The following PRMT8 variants were observed in gnomAD, a reference collection of about 807,000 sequenced individuals.
PRMT8 encodes the protein protein arginine methyltransferase 8.
In PRMT8, 7 loss-of-function variants were observed where a neutral mutation model predicts 47.1. The ratio of observed to expected loss-of-function variants is 0.15; its 90% CI spans 0.08 to 0.28. The LOEUF (loss-of-function observed/expected upper bound fraction) is 0.28. Among genes scored for constraint, PRMT8 ranks in the 10% least tolerant of loss-of-function variants. PRMT8 has a pLI of 1.00. For synonymous variants in PRMT8, 188 were observed against 186.5 expected (o/e 1.01, Z -0.07); for missense variants, 237 against 505.4 (o/e 0.47, Z 5.09).
chr12:3,514,225 T>C lies in PRMT8; in HGVS notation c.75+22525T>C, dbSNP rs973287475. Among the ~76,000 whole-genome samples the C allele has an allele frequency of 4.6e-5, 7 of 151,848 alleles. No homozygotes were observed. The highest frequency in any genetic ancestry group is 2.1e-4 in the South Asian group (1 of 4,814). ...ATTCATCCTGCCTTTTTTTTTTTTT[T>C]CTGTTACCCCTAAGGTGCTCTTTTG... On this transcript the variant is annotated intron_variant, in intron 1 of 9. Coordinates refer to ENST00000382622, the MANE Select transcript of PRMT8 (RefSeq NM_019854.5). This position sits in a 1 kb window ranked among gnomAD's most constrained non-coding sequence, Gnocchi z 5.9.
chr12:3,510,618 C>T (rs1865696795), intron 1 of PRMT8, among the ~76,000 whole-genome samples: 1 of 152,044 alleles, frequency 6.6e-6, no homozygotes, highest in Non-Finnish European at 1.5e-5. Flanking sequence ...GTAAAGAAAA[C>T]CAAACTAATG....
chr12:3,585,951 A>G (rs1867162954), intron 8 of PRMT8, among the ~76,000 whole-genome samples: 2 of 152,162 alleles, frequency 1.3e-5, no homozygotes, highest in African/African-American at 4.8e-5. Context: ...GGATGAAGTC[A>G]TAGGAGCTGG....
intron 1 of PRMT8, among the ~76,000 whole-genome samples, chr12:3,398,068 C>T (rs987990495): frequency 1.3e-5 from 2 of 152,126 alleles, no homozygotes; most frequent in African/African-American, 2.4e-5. Context: ...CTTCGGCTCG[C>T]GCACGGTGCG....
chr12:3,507,368 G>A (rs1221709681), intron 1 of PRMT8, among the ~76,000 whole-genome samples: 1 of 152,068 alleles, frequency 6.6e-6, no homozygotes, highest in Admixed American at 6.6e-5. Flanking sequence ...TGATCCGCCC[G>A]CCTCGGCCTC....
intron 1 of PRMT8, among the ~76,000 whole-genome samples, chr12:3,457,100 G>T (rs965437357): frequency 1.3e-5 from 2 of 152,148 alleles, no homozygotes; most frequent in Non-Finnish European, 2.9e-5. Context: ...TGCAGAGGAG[G>T]CATCTCCTAA....
At chr12:3,573,844 C>T (rs1159470344) in intron 6 of PRMT8, 1 of 152,092 alleles carries the variant, frequency 6.6e-6, no homozygotes, top group East Asian at 1.9e-4. Context: ...TGGCTCTTAC[C>T]CCACATACAC....
chr12:3,438,541 G>A (rs915293969), intron 1 of PRMT8, among the ~76,000 whole-genome samples: 17 of 152,328 alleles, frequency 1.1e-4, no homozygotes, highest in African/African-American at 4.1e-4. Context: ...AGTGGGGCGG[G>A]TAGTCCCAAT....
chr12:3,575,006 A>C (rs2137216093), intron 6 of PRMT8, among the ~76,000 whole-genome samples: 1 of 152,262 alleles, frequency 6.6e-6, no homozygotes, highest in African/African-American at 2.4e-5. Context: ...TCTTCTCTGA[A>C]ACCTGCCCTG....
At position 3,589,140 on chromosome 12, in the gene PRMT8, A is replaced by C. The variant is rs57767381; in HGVS notation, c.980-3091A>C. On this transcript the variant is annotated intron_variant, in intron 8 of 9. Transcript: ENST00000382622. ...AGTAAGTCCCTAACATGGGCCTAATATGTTTTAGGTAGGGTGGCCATGTAA... is the reference window on the plus strand; with the variant it reads ...AGTAAGTCCCTAACATGGGCCTAATCTGTTTTAGGTAGGGTGGCCATGTAA... Among the ~76,000 whole-genome samples the C allele has an allele frequency of 7.3e-3, 1,117 of 152,270 alleles. 11 individuals carry two copies. The highest frequency in any genetic ancestry group is 0.025 in the African/African-American group (1,041 of 41,538).
At chr12:3,419,865 A>T (rs1004899816) in intron 1 of PRMT8, among the ~76,000 whole-genome samples, 52 of 151,060 alleles carry the variant, frequency 3.4e-4, no homozygotes, top group African/African-American at 1.1e-3. Context: ...AGCCAGAAGG[A>T]TGCTCAGTTC....
At chr12:3,396,097 T>A (rs1864246172) in intron 1 of PRMT8, among the ~76,000 whole-genome samples, 1 of 152,194 alleles carries the variant, frequency 6.6e-6, no homozygotes, top group Non-Finnish European at 1.5e-5. Flanking sequence ...ATTTTGAGCC[T>A]ATGTGTGTCT....
chr12:3,557,636 T>C lies in PRMT8; in HGVS notation c.481+3922T>C, dbSNP rs1253566076. ...AAAGAAAACTGGTCGATTCTTTCTCTGGGAGGGTGACACAGCCTGGCCTCC... is the reference window on the plus strand; with the variant it reads ...AAAGAAAACTGGTCGATTCTTTCTCCGGGAGGGTGACACAGCCTGGCCTCC... On this transcript the variant is annotated intron_variant, in intron 4 of 9. Transcript: ENST00000382622. The surrounding 1 kb of genome is among the most constrained non-coding windows in gnomAD (Gnocchi z 4.7). 6.6e-6 allele frequency among the ~76,000 whole-genome samples: 1 copy of C among 152,162 alleles called. No individual in the cohort carries two copies. The highest frequency in any genetic ancestry group is 1.9e-4 in the East Asian group (1 of 5,188).
At chr12:3,480,985 T>C (rs1002187122) in intron 1 of PRMT8, among the ~76,000 whole-genome samples, 1 of 152,200 alleles carries the variant, frequency 6.6e-6, no homozygotes, top group Non-Finnish European at 1.5e-5. Flanking sequence ...GGTGGCGGTC[T>C]AGAGGAGGGG....
At chr12:3,547,831 T>A (rs2137173488) in intron 2 of PRMT8, among the ~76,000 whole-genome samples, 1 of 152,258 alleles carries the variant, frequency 6.6e-6, no homozygotes, top group Admixed American at 6.5e-5. Context: ...AAATGTCAGT[T>A]CTCCCCAAAT....
At chr12:3,445,770 T>G (rs1215264478) in intron 1 of PRMT8, among the ~76,000 whole-genome samples, 1 of 152,160 alleles carries the variant, frequency 6.6e-6, no homozygotes, top group South Asian at 2.1e-4. Context: ...CACATACACA[T>G]GCATGTGTCG....
At chr12:3,480,950 C>T (rs1464775916) in intron 1 of PRMT8, among the ~76,000 whole-genome samples, 1 of 152,210 alleles carries the variant, frequency 6.6e-6, no homozygotes, top group Non-Finnish European at 1.5e-5. Flanking sequence ...GGCTGTTCCT[C>T]TGAGAGCTGA....
In PRMT8 at chr12:3,456,588, A is replaced by G. The variant is rs1864975661; in HGVS notation, c.48+75146A>G. On this transcript the variant is annotated intron_variant, in intron 1 of 9. Coordinates refer to the PRMT8 transcript ENST00000452611. This position sits in a 1 kb window ranked among gnomAD's most constrained non-coding sequence, Gnocchi z 4.2. ...GCCTTCTCCTCGCGAAACGCCCGGG[A>G]CCATCCGTCTGAATTACCCACAGGG... Among the ~76,000 whole-genome samples, 1 of 152,086 alleles carries G rather than the reference A, an allele frequency of 6.6e-6. No individual in the cohort carries two copies. The highest frequency in any genetic ancestry group is 2.4e-5 in the African/African-American group (1 of 41,396).
chr12:3,458,362 G>A (rs554415315), intron 1 of PRMT8, among the ~76,000 whole-genome samples: 1 of 152,278 alleles, frequency 6.6e-6, no homozygotes, highest in East Asian at 1.9e-4. Context: ...AGGTGCTGAT[G>A]GGCACAGAGC....
At chr12:3,395,128 G>T (rs1267940188) in intron 1 of PRMT8, among the ~76,000 whole-genome samples, 23 of 149,506 alleles carry the variant, frequency 1.5e-4, no homozygotes, top group East Asian at 1.2e-3. Context: ...CTTGCTAGCG[G>T]TCTATCAATT....
Sources: gnomAD v4.1 joint callset for allele counts (sites outside exome capture counted in the v4.1 genomes callset) on GRCh38, gnomAD v4.1.1 for gene constraint, Gnocchi (gnomAD v3.1) non-coding constraint, MANE v1.5 for transcripts, NCBI Gene and HGNC (gene_info 2026-07-23, HGNC 2026-07-21) for gene names.